ZNF135: variants seen among roughly 807,000 people sequenced by gnomAD.
ZNF135 encodes the protein zinc finger protein 135.
In ZNF135, 11 loss-of-function variants were observed where a neutral mutation model predicts 12.3. The ratio of observed to expected loss-of-function variants is 0.89; its 90% CI spans 0.56 to 1.48. The LOEUF (loss-of-function observed/expected upper bound fraction) is 1.48. Ranked by LOEUF, ZNF135 falls within the 40% of genes most tolerant of loss-of-function variation. ZNF135 has a pLI of 0.00. For synonymous variants in ZNF135, 316 were observed against 312.0 expected, an observed-to-expected ratio of 1.01 and a Z score of -0.14; for missense variants, 722 against 815.7, an observed-to-expected ratio of 0.89 and a Z score of 1.40.
Position 58,059,855 on chromosome 19 carries a change from C to T in ZNF135, c.-34-114C>T. On this transcript the variant is annotated intron_variant, in intron 1 of 4. Coordinates refer to ENST00000313434, the MANE Select transcript of ZNF135 (RefSeq NM_001289401.2). This position sits in a 1 kb window ranked among gnomAD's most constrained non-coding sequence, Gnocchi z 6.5. ...CACAGCAGGCGCTTAAACGGGTACG[C>T]GGGGCCCTGGACGGCTCTCCGCGGA... 1 of 1,292,556 alleles carries T rather than the reference C, an allele frequency of 7.7e-7. No individual in the cohort carries two copies. The highest frequency in any genetic ancestry group is 2.5e-5 in the East Asian group (1 of 40,010). 80.1% of individuals were successfully genotyped at this position (1,292,556 alleles called of 1,614,324 possible). A position where few individuals can be genotyped will look rare whatever the true frequency, so the allele number is the denominator to read the frequency against.
At position 58,059,308 on chromosome 19, in the gene ZNF135, A is replaced by C. The variant is rs1599916140; in HGVS notation, c.-37A>C. The C allele has an allele frequency of 3.3e-6, 4 of 1,225,812 alleles. No individual in the cohort carries two copies. The highest frequency in any genetic ancestry group is 1.0e-6 in the Non-Finnish European group (1 of 965,700). 75.9% of individuals were successfully genotyped at this position (1,225,812 alleles called of 1,614,324 possible). A position where few individuals can be genotyped will look rare whatever the true frequency, so the allele number is the denominator to read the frequency against. On this transcript the variant is annotated splice_region_variant and 5_prime_UTR_variant, in exon 1 of 5. Coordinates refer to ENST00000313434, the MANE Select transcript of ZNF135 (RefSeq NM_001289401.2). This position sits in a 1 kb window ranked among gnomAD's most constrained non-coding sequence, Gnocchi z 6.5. ...CCGCGGCCTTTGTCTCGCAGTCAGG[A>C]GGGTGAGCTAGGCCGGCGAGGAGGG...
At chr19:58,061,751 G>A (rs371016413) in intron 3 of ZNF135, 45 bp downstream of exon 3, 47 of 1,559,094 alleles carry the variant, frequency 3.0e-5, no homozygotes, top group African/African-American at 1.8e-4. Context: ...TCCCTGACAC[G>A]GATTCTGATT....
At position 58,063,708 on chromosome 19, in the gene ZNF135, T is replaced by G; in HGVS notation, c.256+167T>G. 2 of 1,401,640 alleles carry G rather than the reference T, an allele frequency of 1.4e-6. No homozygotes were observed. The highest frequency in any genetic ancestry group is 1.5e-5 in the South Asian group (1 of 65,200). The allele number at this position is 1,401,640 out of a possible 1,614,324, so 86.8% of individuals were successfully genotyped here. A position where few individuals can be genotyped will look rare whatever the true frequency, so the allele number is the denominator to read the frequency against. The stretch of plus-strand genomic sequence containing the variant: ...TGAGTGACGACACCACGTCCTCATC[T>G]CCACTGAATTTATATTCTTGGTGAG... On this transcript the variant is annotated intron_variant, in intron 4 of 4. Coordinates refer to ENST00000313434, the MANE Select transcript of ZNF135 (RefSeq NM_001289401.2). This position sits in a 1 kb window ranked among gnomAD's most constrained non-coding sequence, Gnocchi z 4.4.
chr19:58,063,631 G>A lies in ZNF135; in HGVS notation c.256+90G>A, dbSNP rs2074019923. 6.4e-7 allele frequency: 1 copy of A among 1,563,136 alleles called. No homozygotes were observed. The highest frequency in any genetic ancestry group is 1.2e-5 in the South Asian group (1 of 85,448). On this transcript the variant is annotated intron_variant, in intron 4 of 4. Transcript: ENST00000313434. This position sits in a 1 kb window ranked among gnomAD's most constrained non-coding sequence, Gnocchi z 4.4. ...TGCATCTGCTCTCTAATTCTTCAGA[G>A]CAAATTTACTACTCAGTCTTAGTGA... is the stretch of plus-strand genomic sequence containing the variant.
Position 58,068,488 on chromosome 19 carries a change from A to G in ZNF135, c.*27A>G, listed in dbSNP as rs552185781. The G allele has an allele frequency of 2.6e-5, 42 of 1,605,026 alleles. No individual in the cohort carries two copies. In the South Asian group the frequency reaches 4.2e-4, roughly 16 times the overall value. On this transcript the variant is annotated 3_prime_UTR_variant, in exon 5 of 5. Coordinates refer to ENST00000313434, the MANE Select transcript of ZNF135 (RefSeq NM_001289401.2). ...CCCACTCCACATGTGCTGGGGACAT[A>G]GGAAGACCTTAAGCCATAGCTCATC...
In ZNF135 at chr19:58,059,509, C is replaced by T. The variant is rs1308712210; in HGVS notation, c.-35+199C>T. Among the ~76,000 whole-genome samples the T allele has an allele frequency of 1.3e-5, 2 of 152,044 alleles. No individual in the cohort carries two copies. The highest frequency in any genetic ancestry group is 2.9e-5 in the Non-Finnish European group (2 of 67,958). ...CGGGGGCAGGCTTTGCGGGGCATCC[C>T]TAGTCTGAGAGGAGGGCGGGGCCCA... On this transcript the variant is annotated intron_variant, in intron 1 of 4. Coordinates refer to ENST00000313434, the MANE Select transcript of ZNF135 (RefSeq NM_001289401.2). This position sits in a 1 kb window ranked among gnomAD's most constrained non-coding sequence, Gnocchi z 6.5.
chr19:58,066,056 C>T (rs77183116), intron 4 of ZNF135, among the ~76,000 whole-genome samples: 275 of 152,276 alleles, frequency 1.8e-3, no homozygotes, highest in African/African-American at 6.5e-3. Flanking sequence ...GCTATAGATA[C>T]AGTGGTAAGC....
In ZNF135 at chr19:58,060,411, G is replaced by C. The variant is rs182570486; in HGVS notation, c.33+376G>C. ...CGCCGCGCTGGAGGTCAGCGGGCAC[G>C]GGTCCCTGTCTGAGTGGGCTTTATG... is the stretch of plus-strand genomic sequence containing the variant. On this transcript the variant is annotated intron_variant, in intron 2 of 4. Coordinates refer to ENST00000313434, the MANE Select transcript of ZNF135 (RefSeq NM_001289401.2). This position sits in a 1 kb window ranked among gnomAD's most constrained non-coding sequence, Gnocchi z 4.9. 231 of 1,189,534 alleles carry C rather than the reference G, an allele frequency of 1.9e-4. No homozygotes were observed. The African/African-American group carries it at 3.3e-3, about 17-fold the overall frequency. 73.7% of individuals were successfully genotyped at this position (1,189,534 alleles called of 1,614,324 possible). A position where few individuals can be genotyped will look rare whatever the true frequency, so the allele number is the denominator to read the frequency against.
At position 58,067,770 on chromosome 19, in the gene ZNF135, G is replaced by A. The variant is rs147532628; in HGVS notation, c.1286G>A (p.Arg429Gln). The A allele has an allele frequency of 2.5e-4, 408 of 1,612,576 alleles. 1 individual carries two copies. Among genetic ancestry groups the A allele is most frequent in the African/African-American group, 1.7e-3 (128 of 74,480 alleles). Reference sequence around the variant, plus strand: ...CAGAGCACACTCCTGACCGAGCATCGGAGGATTCACACAGGAGAGAAGCCC... The same window carrying A: ...CAGAGCACACTCCTGACCGAGCATCAGAGGATTCACACAGGAGAGAAGCCC... ...FSQSTLLTEH[R>Q]RIHTGEKPYG... Residue 429 changes from arginine to glutamine, a missense_variant, in exon 5 of 5, where the codon CGG (arginine) becomes CAG (glutamine). By Grantham distance (43) the Arg-to-Gln change is conservative. Coordinates refer to ENST00000313434, the MANE Select transcript of ZNF135 (RefSeq NM_001289401.2).
rs1176247368 is a variant in ZNF135, at chr19:58,060,742, C to A, written c.33+707C>A. ...CAGCTATGGGGGAGGATTGCTTGAG[C>A]CCAGGAGTTGGAGGCTGCAGTGAGC... On this transcript the variant is annotated intron_variant, in intron 2 of 4. Coordinates refer to ENST00000313434, the MANE Select transcript of ZNF135 (RefSeq NM_001289401.2). The surrounding 1 kb of genome is among the most constrained non-coding windows in gnomAD (Gnocchi z 4.9). 6.6e-6 allele frequency among the ~76,000 whole-genome samples: 1 copy of A among 152,182 alleles called. No homozygotes were observed. The highest frequency in any genetic ancestry group is 1.9e-4 in the East Asian group (1 of 5,190).
At chr19:58,066,671 C>G in intron 4 of ZNF135, 70 bp from the exon 5 acceptor site, 1 of 1,571,496 alleles carries the variant, frequency 6.4e-7, no homozygotes, top group Non-Finnish European at 8.6e-7. Context: ...CTTCCTCTTC[C>G]CATCTCACCA....
At position 58,067,333 on chromosome 19, in the gene ZNF135, C is replaced by T. The variant is rs1216208977; in HGVS notation, c.849C>T (p.Ala283=). Residue 283 remains alanine (A), a synonymous_variant, in exon 5 of 5, where the codon GCC becomes GCT. Transcript: ENST00000313434. ...GTGGGAGGACCTTCAACCAAATTGC[C>T]CCACTGATCCAGCACCAGAGAACTC... ...TQCGRTFNQI[A]PLIQHQRTHT... 8 of 1,613,858 alleles carry T rather than the reference C, an allele frequency of 5.0e-6. No individual in the cohort carries two copies. The highest frequency in any genetic ancestry group is 1.3e-5 in the African/African-American group (1 of 74,844).
Position 58,060,456 on chromosome 19 carries a change from A to G in ZNF135, c.33+421A>G. The G allele has an allele frequency of 9.2e-7, 1 of 1,088,030 alleles. No individual in the cohort carries two copies. Among genetic ancestry groups the G allele is most frequent in the Non-Finnish European group, 1.1e-6 (1 of 891,380 alleles). The allele number at this position is 1,088,030 out of a possible 1,614,324, so 67.4% of individuals were successfully genotyped here. On this transcript the variant is annotated intron_variant, in intron 2 of 4. Transcript: ENST00000313434. The surrounding 1 kb of genome is among the most constrained non-coding windows in gnomAD (Gnocchi z 4.9). Reference sequence around the variant, plus strand: ...TTTATGTTTGTGCGGCCGTCATTGCATACCTGAGGCTGGGTGATGTCAGAA... The same window carrying G: ...TTTATGTTTGTGCGGCCGTCATTGCGTACCTGAGGCTGGGTGATGTCAGAA...
Position 58,059,528 on chromosome 19 carries a change from G to T in ZNF135, c.-35+218G>T, listed in dbSNP as rs1317820980. ...GCATCCCTAGTCTGAGAGGAGGGCG[G>T]GGCCCAACGCCCAGCTGGACAGGAG... On this transcript the variant is annotated intron_variant, in intron 1 of 4. Coordinates refer to ENST00000313434, the MANE Select transcript of ZNF135 (RefSeq NM_001289401.2). This position sits in a 1 kb window ranked among gnomAD's most constrained non-coding sequence, Gnocchi z 6.5. 1.3e-5 allele frequency among the ~76,000 whole-genome samples: 2 copies of T among 152,258 alleles called. No homozygotes were observed. Among genetic ancestry groups the T allele is most frequent in the African/African-American group, 4.8e-5 (2 of 41,570 alleles).
rs1185219360 is a variant in ZNF135 at position 58,065,960 on chromosome 19, G to A, written c.257-781G>A. Among the ~76,000 whole-genome samples the A allele has an allele frequency of 6.6e-6, 1 of 152,092 alleles. No individual in the cohort carries two copies. Among genetic ancestry groups the A allele is most frequent in the Non-Finnish European group, 1.5e-5 (1 of 68,010 alleles). On this transcript the variant is annotated intron_variant, in intron 4 of 4. Coordinates refer to ENST00000313434, the MANE Select transcript of ZNF135 (RefSeq NM_001289401.2). The surrounding 1 kb of genome is among the most constrained non-coding windows in gnomAD (Gnocchi z 4.0). The stretch of plus-strand genomic sequence containing the variant: ...GCTGTGCAGAGAGGGCTGGGTACCA[G>A]GGCAAAAAGAGAGTCCTGCCATGAA...
Position 58,063,482 on chromosome 19 carries a change from T to G in ZNF135, c.197T>G (p.Leu66Arg), listed in dbSNP as rs1333431818. The G allele has an allele frequency of 1.2e-6, 2 of 1,614,150 alleles. No individual in the cohort carries two copies. The highest frequency in any genetic ancestry group is 8.5e-7 in the Non-Finnish European group (1 of 1,180,008). The change falls in exon 4 of 5, where the codon CTG becomes CGG. Residue 66 changes from leucine (L) to arginine (R), a missense_variant. Leu to Arg is a moderately radical substitution (Grantham distance 102, BLOSUM62 -2). Coordinates refer to ENST00000313434, the MANE Select transcript of ZNF135 (RefSeq NM_001289401.2). This position sits in a 1 kb window ranked among gnomAD's most constrained non-coding sequence, Gnocchi z 4.4. The stretch of plus-strand genomic sequence containing the variant: ...CCGAAGCCGAATGTCATCTCCCTGC[T>G]GGAGCAAGAGGCAGAGCTGTGGGCG... ...WLPKPNVISL[L>R]EQEAELWAVE...
Position 58,061,730 on chromosome 19 carries a change from C to G in ZNF135, c.160+24C>G, listed in dbSNP as rs2073986350. 6 of 1,593,488 alleles carry G rather than the reference C, an allele frequency of 3.8e-6. No individual in the cohort carries two copies. The South Asian group carries it at 4.6e-5, about 12-fold the overall frequency. On this transcript the variant is annotated intron_variant, in intron 3 of 4. Coordinates refer to ENST00000313434, the MANE Select transcript of ZNF135 (RefSeq NM_001289401.2). ...GGGTAAGGCCACACCCATGTCCTAT[C>G]TGTTGATCTGTCCCTGACACGGATT...
intron 2 of ZNF135, among the ~76,000 whole-genome samples, chr19:58,061,220 C>A (rs1245339164): frequency 1.3e-4 from 20 of 152,112 alleles, no homozygotes; most frequent in Non-Finnish European, 2.9e-5. Flanking sequence ...TGCAGTGATG[C>A]AATCATGGCT....
chr19:58,059,827 A>C lies in ZNF135; in HGVS notation c.-34-142A>C, dbSNP rs2073937073. The stretch of plus-strand genomic sequence containing the variant: ...CCTTCTCCGAGCGGAGGGCCGCCCC[A>C]CACACAGCAGGCGCTTAAACGGGTA... On this transcript the variant is annotated intron_variant, in intron 1 of 4. Coordinates refer to ENST00000313434, the MANE Select transcript of ZNF135 (RefSeq NM_001289401.2). This position sits in a 1 kb window ranked among gnomAD's most constrained non-coding sequence, Gnocchi z 6.5. 6 of 1,014,286 alleles carry C rather than the reference A, an allele frequency of 5.9e-6. No homozygotes were observed. The highest frequency in any genetic ancestry group is 6.5e-4 in the Middle Eastern group (2 of 3,084). 62.8% of individuals were successfully genotyped at this position (1,014,286 alleles called of 1,614,324 possible).
Sources: gnomAD v4.1 joint callset for allele counts (sites outside exome capture counted in the v4.1 genomes callset) on GRCh38, gnomAD v4.1.1 for gene constraint, Gnocchi (gnomAD v3.1) non-coding constraint, MANE v1.5 for transcripts, NCBI Gene and HGNC (gene_info 2026-07-23, HGNC 2026-07-21) for gene names.